The following MPC2 variants were observed in gnomAD, a reference collection of about 807,000 sequenced individuals.
MPC2 encodes mitochondrial pyruvate carrier 2, also known as brain protein 44.
In MPC2, 19 loss-of-function variants were observed where a neutral mutation model predicts 19.2. That is an observed-to-expected ratio of 0.99 (90% confidence interval 0.69 to 1.45). MPC2 has a LOEUF of 1.45. Among genes scored for constraint, MPC2 ranks in the 40% most tolerant of loss-of-function variants. The pLI, the probability that MPC2 is intolerant of heterozygous loss-of-function variation, is 0.00. For missense variants in MPC2, 122 were observed against 153.0 expected (o/e 0.80, Z 1.07); for synonymous variants, 61 against 54.3 (o/e 1.12, Z -0.54).
At chr1:167,919,531 T>C (rs764740197) in intron 5 of MPC2, among the ~76,000 whole-genome samples, 1 of 152,212 alleles carries the variant, frequency 6.6e-6, no homozygotes, top group Non-Finnish European at 1.5e-5. Flanking sequence ...AGCAAAGACC[T>C]CACTCTACGT....
chr1:167,925,579 C>T (rs1364447309), intron 2 of MPC2, among the ~76,000 whole-genome samples: 12 of 141,522 alleles, frequency 8.5e-5, no homozygotes, highest in Non-Finnish European at 1.2e-4. Flanking sequence ...CAGAGTCTCA[C>T]TCTGTTGCCC....
intron 2 of MPC2, among the ~76,000 whole-genome samples, chr1:167,927,104 G>T (rs1471268193): frequency 6.6e-6 from 1 of 152,182 alleles, no homozygotes; most frequent in Non-Finnish European, 1.5e-5. Context: ...CCATGTTCAG[G>T]ATAGATGCTA....
chr1:167,918,920 A>G (rs1473544777), intron 5 of MPC2, among the ~76,000 whole-genome samples: 1 of 152,116 alleles, frequency 6.6e-6, no homozygotes, highest in Non-Finnish European at 1.5e-5. Context: ...AGCTTAGCTG[A>G]CATATAGTTT....
At chr1:167,921,118 A>G (rs1670590060) in intron 3 of MPC2, among the ~76,000 whole-genome samples, 1 of 152,132 alleles carries the variant, frequency 6.6e-6, no homozygotes, top group African/African-American at 2.4e-5. Context: ...GTATATGTGC[A>G]GGTTTGTTAC....
intron 2 of MPC2, among the ~76,000 whole-genome samples, chr1:167,931,913 G>A (rs1473799872): frequency 6.6e-6 from 1 of 151,944 alleles, no homozygotes; most frequent in Admixed American, 6.6e-5. Context: ...AATTATCTAG[G>A]AAAAATGCAA....
chr1:167,936,273 G>C (rs962556135), intron 1 of MPC2: 1 of 207,402 alleles, frequency 4.8e-6, no homozygotes, highest in African/African-American at 2.4e-5. Context: ...GTTGGAGAAG[G>C]GAAAGTGAAG....
intron 3 of MPC2, among the ~76,000 whole-genome samples, chr1:167,921,074 TC>T (rs1321209039): frequency 6.6e-6 from 1 of 152,334 alleles, no homozygotes; most frequent in East Asian, 1.9e-4. Context: ...GCCAATGTTA[TC>T]ATTTTTAAAT....
At chr1:167,927,464 T>C (rs561151830) in intron 2 of MPC2, among the ~76,000 whole-genome samples, 31 of 152,364 alleles carry the variant, frequency 2.0e-4, no homozygotes, top group African/African-American at 7.0e-4. Flanking sequence ...TATCCTCGCA[T>C]GGAGTTTCGC....
At position 167,919,275 on chromosome 1, in the gene MPC2, T is replaced by G. The variant is rs1193834646; in HGVS notation, c.347+704A>C. Among the ~76,000 whole-genome samples the G allele has an allele frequency of 5.3e-5, 8 of 152,316 alleles. No individual in the cohort carries two copies. In the Middle Eastern group the frequency reaches 0.01, roughly 194 times the overall value. On this transcript the variant is annotated intron_variant, in intron 5 of 5. Transcript: ENST00000271373. ...AGAAGTAACCACAGAGCCATAGTCT[T>G]TCCTTCCCTTCTACCATACCTTGGG...
At chr1:167,936,863 C>A (rs746769749) in intron 1 of MPC2, 76 bp downstream of exon 1, 200 of 1,144,676 alleles carry the variant, frequency 1.7e-4, no homozygotes, top group Middle Eastern at 2.8e-4. Flanking sequence ...TCCCCCTCCT[C>A]CCCTCCCCCA....
chr1:167,919,933 TA>T, intron 5 of MPC2, 45 bp downstream of exon 5: 1 of 1,429,040 alleles, frequency 7.0e-7, no homozygotes, highest in Non-Finnish European at 9.6e-7. Flanking sequence ...TAGTGCCATC[TA>T]AGTAGCTTTT....
chr1:167,921,231 T>C (rs1244431274), intron 3 of MPC2, among the ~76,000 whole-genome samples: 2 of 143,286 alleles, frequency 1.4e-5, no homozygotes, highest in African/African-American at 2.6e-5. Context: ...GGTTAGATCA[T>C]TTTTTTTTTT....
intron 2 of MPC2, among the ~76,000 whole-genome samples, chr1:167,933,804 T>A (rs1439882806): frequency 1.3e-5 from 2 of 152,244 alleles, no homozygotes; most frequent in African/African-American, 4.8e-5. Context: ...AACTTGTCGA[T>A]CATAAATAAT....
intron 5 of MPC2, among the ~76,000 whole-genome samples, chr1:167,919,432 T>C (rs1047716489): frequency 2.6e-5 from 4 of 152,216 alleles, no homozygotes; most frequent in Non-Finnish European, 4.4e-5. Flanking sequence ...TATTTGATCA[T>C]AATGTCATTA....
Position 167,918,338 on chromosome 1 carries a change from A to G in MPC2, c.369T>C (p.Ala123=). Residue 123 remains alanine (A), a synonymous_variant, in exon 6 of 6, where the codon GCT becomes GCC. Transcript: ENST00000271373. ...AGGAACTCTTTTATTTGTGTGCTTT[A>G]GCTTTTAGTTCTTGGTTATATCTAT... ...RIWRYNQELK[A]KAHK is the part of the protein sequence containing the mutation. The G allele has an allele frequency of 6.4e-7, 1 of 1,568,186 alleles. No homozygotes were observed. The highest frequency in any genetic ancestry group is 1.4e-5 in the African/African-American group (1 of 73,694).
chr1:167,924,387 G>T, intron 3 of MPC2, 110 bp downstream of exon 3: 1 of 805,324 alleles, frequency 1.2e-6, no homozygotes, highest in Non-Finnish European at 2.0e-6. Flanking sequence ...TCATCTAGAG[G>T]CATACCAAGA....
intron 2 of MPC2, among the ~76,000 whole-genome samples, chr1:167,925,442 C>CATATATAT (rs369657697): frequency 0.028 from 2,306 of 82,154 alleles, 48 homozygotes; most frequent in South Asian, 0.036. Context: ...TACATATACA[C>CATATATAT]ATATATATAT....
Position 167,918,166 on chromosome 1 carries a change from A to T in MPC2, c.*157T>A. 1 of 565,080 alleles carries T rather than the reference A, an allele frequency of 1.8e-6. No homozygotes were observed. Among genetic ancestry groups the T allele is most frequent in the Non-Finnish European group, 3.1e-6 (1 of 321,768 alleles). 35.0% of individuals were successfully genotyped at this position (565,080 alleles called of 1,614,324 possible). The stretch of plus-strand genomic sequence containing the variant: ...TAAGTCATGTAGAGAGACTGTTATT[A>T]AAAGTTTGCTGCATTTTTCTATTGA... On this transcript the variant is annotated 3_prime_UTR_variant, in exon 6 of 6. Coordinates refer to ENST00000271373, the MANE Select transcript of MPC2 (RefSeq NM_001143674.4).
At chr1:167,936,258 G>A in intron 1 of MPC2, 3 of 216,506 alleles carry the variant, frequency 1.4e-5, no homozygotes, top group South Asian at 1.3e-4. Context: ...TGCCCTCGAG[G>A]CCATGTTGGA....
Sources: allele counts gnomAD v4.1 joint callset (sites outside exome capture counted in the v4.1 genomes callset), GRCh38; gene constraint gnomAD v4.1.1; transcripts MANE v1.5; gene names NCBI Gene and HGNC (gene_info 2026-07-23, HGNC 2026-07-21).